Variants in PSORS1C1 observed in about 807,000 individuals in gnomAD.
PSORS1C1 encodes the protein psoriasis susceptibility 1 candidate 1.
In PSORS1C1, 7 loss-of-function variants were observed where a neutral mutation model predicts 9.4. The observed-to-expected ratio is 0.75, with a 90% confidence interval of 0.42 to 1.40. The LOEUF (loss-of-function observed/expected upper bound fraction) is 1.40, where lower values mean the gene tolerates loss of function less well. Ranked by LOEUF, PSORS1C1 falls within the 40% of genes most tolerant of loss-of-function variation. The pLI is 0.01. For missense variants in PSORS1C1, 146 were observed against 178.1 expected (o/e 0.82, Z 1.02); for synonymous variants, 63 against 69.4 (o/e 0.91, Z 0.46).
rs1484527803 is a variant in PSORS1C1, at chr6:31,138,420, C to G, written c.14-10C>G. The G allele has an allele frequency of 1.9e-6, 3 of 1,612,582 alleles. No individual in the cohort carries two copies. The highest frequency in any genetic ancestry group is 1.7e-6 in the Non-Finnish European group (2 of 1,179,864). On this transcript the variant is annotated splice_polypyrimidine_tract_variant and intron_variant, in intron 3 of 5. Coordinates refer to ENST00000259881, the MANE Select transcript of PSORS1C1 (RefSeq NM_014068.3). ...CTGGATGGACGCAGCCTGAACTGAC[C>G]CACAAACAGACCAAAAAAGTCACTC...
Position 31,126,774 on chromosome 6 carries a change from TC to T in PSORS1C1, c.-65+941del, listed in dbSNP as rs141766611. Among the ~76,000 whole-genome samples the T allele has an allele frequency of 9.4e-3, 1,427 of 152,122 alleles. 38 individuals carry two copies. The highest frequency in any genetic ancestry group is 0.078 in the South Asian group (376 of 4,822). ...TGGGGTTCTGCCCACCAAGCTTTCT[TC>T]CCCCCGCTCCCCTGAGTCTTTTCCC... On this transcript the variant is annotated intron_variant, in intron 2 of 5. Coordinates refer to ENST00000259881, the MANE Select transcript of PSORS1C1 (RefSeq NM_014068.3).
In PSORS1C1 at chr6:31,139,503, G is replaced by A. The variant is rs1446030540; in HGVS notation, c.168-138G>A. On this transcript the variant is annotated intron_variant, in intron 5 of 5. Transcript: ENST00000259881. This position sits in a 1 kb window ranked among gnomAD's most constrained non-coding sequence, Gnocchi z 5.2. ...TGCTTTTCAAACCTGGGATGCAGCTGGGACAGTGTCAGCTACTACCCCAGC... is the reference window on the plus strand; with the variant it reads ...TGCTTTTCAAACCTGGGATGCAGCTAGGACAGTGTCAGCTACTACCCCAGC... 2.7e-6 allele frequency: 2 copies of A among 753,384 alleles called. No homozygotes were observed. The highest frequency in any genetic ancestry group is 4.3e-6 in the Non-Finnish European group (2 of 469,592). The allele number at this position is 753,384 out of a possible 1,614,324, so 46.7% of individuals were successfully genotyped here.
Position 31,127,134 on chromosome 6 carries a change from G to A in PSORS1C1, c.-65+1295G>A, listed in dbSNP as rs375149410. On this transcript the variant is annotated intron_variant, in intron 2 of 5. Transcript: ENST00000259881. ...CTTCCTCGACAGGGTGAAAGAGAGC[G>A]CCAGGGTGCAGTCTGAACGTGCTCT... is the stretch of plus-strand genomic sequence containing the variant. Among the ~76,000 whole-genome samples, 95 of 152,312 alleles carry A rather than the reference G, an allele frequency of 6.2e-4. No homozygotes were observed. In the East Asian group the frequency reaches 8.3e-3, roughly 13 times the overall value.
At chr6:31,123,779 G>A (rs1772563373) in intron 1 of PSORS1C1, among the ~76,000 whole-genome samples, 1 of 152,266 alleles carries the variant, frequency 6.6e-6, no homozygotes, top group African/African-American at 2.4e-5. Flanking sequence ...CTCCTCTGCT[G>A]TGTTTTGGAA....
At chr6:31,123,913 G>A (rs1373277992) in intron 1 of PSORS1C1, among the ~76,000 whole-genome samples, 1 of 152,190 alleles carries the variant, frequency 6.6e-6, no homozygotes, top group Non-Finnish European at 1.5e-5. Flanking sequence ...TCAGGGAGGT[G>A]GCAGGACTTT....
At chr6:31,120,743 G>A (rs2150961738) in intron 1 of PSORS1C1, among the ~76,000 whole-genome samples, 1 of 152,258 alleles carries the variant, frequency 6.6e-6, no homozygotes, top group East Asian at 1.9e-4. Context: ...CCCACTCTGG[G>A]GCGGCCACTC....
chr6:31,117,692 G>A (rs905691133), intron 1 of PSORS1C1: 8 of 644,892 alleles, frequency 1.2e-5, no homozygotes, highest in Admixed American at 1.1e-4. Context: ...GTCTCTAAAG[G>A]ATATTGAGGT....
chr6:31,136,408 A>C (rs947515225), intron 3 of PSORS1C1, among the ~76,000 whole-genome samples: 3 of 151,840 alleles, frequency 2.0e-5, no homozygotes, highest in African/African-American at 7.3e-5. Context: ...AAAAAAAAGA[A>C]AAGAAAGAAA....
At chr6:31,124,696 A>G (rs967206999) in intron 1 of PSORS1C1, among the ~76,000 whole-genome samples, 2 of 152,230 alleles carry the variant, frequency 1.3e-5, no homozygotes, top group Non-Finnish European at 2.9e-5. Flanking sequence ...CTGGCCAGGT[A>G]TGGTGGCTCA....
chr6:31,127,133 C>T (rs754107487), intron 2 of PSORS1C1, among the ~76,000 whole-genome samples: 4 of 152,192 alleles, frequency 2.6e-5, no homozygotes, highest in Non-Finnish European at 5.9e-5. Flanking sequence ...TGAAAGAGAG[C>T]GCCAGGGTGC....
intron 1 of PSORS1C1, chr6:31,116,484 G>A: frequency 6.2e-7 from 1 of 1,606,176 alleles, no homozygotes; most frequent in Non-Finnish European, 8.5e-7. Flanking sequence ...CACAGAGCTG[G>A]ACCCCACCAG....
rs577823531 is a variant in PSORS1C1, at chr6:31,135,130, A to G, written c.14-3300A>G. ...CTTGCCCAGCCCCTTGCACATTTTT[A>G]AGTCAACATTTAACATTTGTAATAA... On this transcript the variant is annotated intron_variant, in intron 3 of 5. Transcript: ENST00000259881. Among the ~76,000 whole-genome samples the G allele has an allele frequency of 2.0e-5, 3 of 152,352 alleles. No individual in the cohort carries two copies. In the East Asian group the frequency reaches 5.8e-4, roughly 29 times the overall value.
At chr6:31,131,247 G>A (rs981696382) in intron 3 of PSORS1C1, among the ~76,000 whole-genome samples, 6 of 152,030 alleles carry the variant, frequency 3.9e-5, no homozygotes, top group African/African-American at 1.2e-4. Context: ...CACATTAAGT[G>A]TGCATGACGG....
Position 31,139,757 on chromosome 6 carries a change from A to G in PSORS1C1, c.284A>G (p.Glu95Gly). Residue 95 changes from glutamate to glycine, a missense_variant, in exon 6 of 6, where the codon GAG becomes GGG. Coordinates refer to ENST00000259881, the MANE Select transcript of PSORS1C1 (RefSeq NM_014068.3). The surrounding 1 kb of genome is among the most constrained non-coding windows in gnomAD (Gnocchi z 5.2). Reference sequence around the variant, plus strand: ...ATCCTGGTTCCCTCTTCCCACCCAGAGCTGTTTGCATCAGTCCTGCCAATG... The same window carrying G: ...ATCCTGGTTCCCTCTTCCCACCCAGGGCTGTTTGCATCAGTCCTGCCAATG... ...EDILVPSSHPELFASVLPMAP... is the reference protein window; with the variant it reads ...EDILVPSSHPGLFASVLPMAP... The G allele has an allele frequency of 1.9e-6, 3 of 1,613,062 alleles. No homozygotes were observed. Among genetic ancestry groups the G allele is most frequent in the Non-Finnish European group, 2.5e-6 (3 of 1,180,016 alleles).
At chr6:31,116,047 C>T (rs565620030) in intron 1 of PSORS1C1, 3 of 1,611,998 alleles carry the variant, frequency 1.9e-6, no homozygotes, top group African/African-American at 2.7e-5. Context: ...GAGTAACTCT[C>T]CTTGGGGTAG....
chr6:31,117,897 A>C (rs1772254611), intron 1 of PSORS1C1: 1 of 296,826 alleles, frequency 3.4e-6, no homozygotes, highest in African/African-American at 2.2e-5. Flanking sequence ...CCCAGAGTTC[A>C]AGACCAGCCT....
chr6:31,116,629 G>T, intron 1 of PSORS1C1: 1 of 1,613,144 alleles, frequency 6.2e-7, no homozygotes, highest in South Asian at 1.1e-5. Context: ...GCCTTTCACA[G>T]GGTTCTCTTT....
chr6:31,136,860 A>G (rs1239363507), intron 3 of PSORS1C1, among the ~76,000 whole-genome samples: 1 of 152,244 alleles, frequency 6.6e-6, no homozygotes, highest in Non-Finnish European at 1.5e-5. Context: ...AGTCAAAAAC[A>G]TAAGTGTTGG....
chr6:31,139,572 T>A lies in PSORS1C1; in HGVS notation c.168-69T>A. Reference sequence around the variant, plus strand: ...ACTGAAAGCTCCCCCTGGGGCTTCGTGCTTTCCTGGGCACTTCCCTTCCCC... The same window carrying A: ...ACTGAAAGCTCCCCCTGGGGCTTCGAGCTTTCCTGGGCACTTCCCTTCCCC... On this transcript the variant is annotated intron_variant, in intron 5 of 5. Coordinates refer to ENST00000259881, the MANE Select transcript of PSORS1C1 (RefSeq NM_014068.3). This position sits in a 1 kb window ranked among gnomAD's most constrained non-coding sequence, Gnocchi z 5.2. 6.6e-7 allele frequency: 1 copy of A among 1,525,878 alleles called. No homozygotes were observed. The highest frequency in any genetic ancestry group is 8.9e-7 in the Non-Finnish European group (1 of 1,122,352). 94.5% of individuals were successfully genotyped at this position (1,525,878 alleles called of 1,614,324 possible).
Sources: gnomAD v4.1 joint callset for allele counts (sites outside exome capture counted in the v4.1 genomes callset) on GRCh38, gnomAD v4.1.1 for gene constraint, Gnocchi (gnomAD v3.1) non-coding constraint, MANE v1.5 for transcripts, NCBI Gene and HGNC (gene_info 2026-07-23, HGNC 2026-07-21) for gene names.